The following ST6GALNAC5 variants were observed in gnomAD, a reference collection of about 807,000 sequenced individuals.
ST6GALNAC5 encodes alpha-N-acetylgalactosaminide alpha-2,6-sialyltransferase 5.
ST6GALNAC5 carries 27 observed loss-of-function variants against 33.6 expected under a neutral mutation model. The ratio of observed to expected loss-of-function variants is 0.80; its 90% CI spans 0.59 to 1.11. The LOEUF (loss-of-function observed/expected upper bound fraction) is 1.11, where lower values mean the gene tolerates loss of function less well. ST6GALNAC5 is among the 50% of genes least tolerant of loss of function. ST6GALNAC5 has a pLI of 0.00. For missense variants in ST6GALNAC5, 428 were observed against 454.0 expected, an observed-to-expected ratio of 0.94 and a Z score of 0.52; for synonymous variants, 194 against 171.2, an observed-to-expected ratio of 1.13 and a Z score of -1.04.
rs1313955037 is a variant in ST6GALNAC5 at position 76,868,107 on chromosome 1, G to C, written c.16-390G>C. Among the ~76,000 whole-genome samples the C allele has an allele frequency of 1.3e-5, 2 of 152,186 alleles. No individual in the cohort carries two copies. The highest frequency in any genetic ancestry group is 2.9e-5 in the Non-Finnish European group (2 of 68,026). On this transcript the variant is annotated intron_variant, in intron 1 of 4. Transcript: ENST00000477717. This position sits in a 1 kb window ranked among gnomAD's most constrained non-coding sequence, Gnocchi z 4.3. ...ACTTGCAAGGATCGCAAGGATCCAG[G>C]GCCCCAGGAAAGGAGGGGTGTGAAG...
intron 2 of ST6GALNAC5, among the ~76,000 whole-genome samples, chr1:77,005,548 AC>A (rs1203537646): frequency 6.6e-6 from 1 of 152,238 alleles, no homozygotes; most frequent in African/African-American, 2.4e-5. Context: ...GGTAAAATAT[AC>A]ATATTATAAA....
At chr1:77,015,050 AACACAC>A (rs5775372) in intron 2 of ST6GALNAC5, among the ~76,000 whole-genome samples, 11 of 122,560 alleles carry the variant, frequency 9.0e-5, no homozygotes, top group African/African-American at 2.9e-4. Flanking sequence ...CTCGCACACA[AACACAC>A]ACACACACAC....
intron 2 of ST6GALNAC5, among the ~76,000 whole-genome samples, chr1:76,886,124 A>AGG (rs1399321038): frequency 3.7e-4 from 57 of 152,316 alleles, no homozygotes; most frequent in African/African-American, 1.3e-3. Context: ...ACCATATAGT[A>AGG]AAGGTTTACT....
In ST6GALNAC5 at chr1:76,868,640, C is replaced by A. The variant is rs1403937956; in HGVS notation, c.159C>A (p.Thr53=). ...AACAGCAGCAGCAGGCGTCGGCCAC[C>A]GGCAGCTCGCAGCCGGCGGCGGAGA... ...QQQQQQQASA[T]GSSQPAAESS... Residue 53 remains threonine (T), a synonymous_variant, in exon 2 of 5, where the codon ACC becomes ACA. Coordinates refer to ENST00000477717, the MANE Select transcript of ST6GALNAC5 (RefSeq NM_030965.3). The surrounding 1 kb of genome is among the most constrained non-coding windows in gnomAD (Gnocchi z 4.3). 4 of 1,606,544 alleles carry A rather than the reference C, an allele frequency of 2.5e-6. No individual in the cohort carries two copies. The highest frequency in any genetic ancestry group is 1.1e-5 in the South Asian group (1 of 90,562).
At chr1:77,052,308 G>C (rs1557775596) in intron 4 of ST6GALNAC5, among the ~76,000 whole-genome samples, 1 of 152,218 alleles carries the variant, frequency 6.6e-6, no homozygotes, top group South Asian at 2.1e-4. Context: ...GGAAGACCAG[G>C]AGTAGCACAG....
chr1:76,949,693 T>C (rs1270692005), intron 2 of ST6GALNAC5, among the ~76,000 whole-genome samples: 1 of 151,974 alleles, frequency 6.6e-6, no homozygotes, highest in Non-Finnish European at 1.5e-5. Flanking sequence ...TGGAGCAGAG[T>C]CACCAGGTTG....
At chr1:76,937,241 T>G (rs1458950362) in intron 2 of ST6GALNAC5, among the ~76,000 whole-genome samples, 1 of 151,990 alleles carries the variant, frequency 6.6e-6, no homozygotes, top group Non-Finnish European at 1.5e-5. Context: ...TTTCCTTGTT[T>G]CTTTTGGTTT....
At chr1:76,918,353 C>A (rs1557722653) in intron 2 of ST6GALNAC5, among the ~76,000 whole-genome samples, 1 of 152,120 alleles carries the variant, frequency 6.6e-6, no homozygotes, top group Admixed American at 6.6e-5. Context: ...GGCGCAGTGA[C>A]TCACACCTGT....
At chr1:76,923,377 T>C (rs1174066498) in intron 2 of ST6GALNAC5, among the ~76,000 whole-genome samples, 3 of 151,994 alleles carry the variant, frequency 2.0e-5, no homozygotes, top group African/African-American at 4.8e-5. Flanking sequence ...AAGTACTTGT[T>C]TGTCAACTGG....
At chr1:76,884,137 T>C (rs1653842922) in intron 2 of ST6GALNAC5, among the ~76,000 whole-genome samples, 1 of 152,172 alleles carries the variant, frequency 6.6e-6, no homozygotes, top group Admixed American at 6.5e-5. Context: ...AGCCAGAGGA[T>C]GATGAAGAGA....
At chr1:76,913,025 A>G (rs542177366) in intron 2 of ST6GALNAC5, among the ~76,000 whole-genome samples, 81 of 152,220 alleles carry the variant, frequency 5.3e-4, no homozygotes, top group Admixed American at 3.3e-3. Flanking sequence ...CATGGTCTTT[A>G]CATTTTGGCA....
At chr1:76,971,798 C>T (rs1364474617) in intron 2 of ST6GALNAC5, among the ~76,000 whole-genome samples, 1 of 152,126 alleles carries the variant, frequency 6.6e-6, no homozygotes, top group African/African-American at 2.4e-5. Flanking sequence ...TCCACTGACT[C>T]AGTATCACTT....
At chr1:77,030,513 G>T (rs1198147913) in intron 2 of ST6GALNAC5, among the ~76,000 whole-genome samples, 1 of 152,084 alleles carries the variant, frequency 6.6e-6, no homozygotes, top group African/African-American at 2.4e-5. Flanking sequence ...TATTGTCGTC[G>T]TCAATAGAAA....
intron 2 of ST6GALNAC5, among the ~76,000 whole-genome samples, chr1:76,939,732 C>T (rs1318768213): frequency 6.6e-6 from 1 of 152,084 alleles, no homozygotes; most frequent in African/African-American, 2.4e-5. Context: ...CATTCCACAA[C>T]TATTTACTGA....
intron 2 of ST6GALNAC5, among the ~76,000 whole-genome samples, chr1:76,896,793 G>C (rs1557713556): frequency 1.3e-5 from 2 of 152,196 alleles, no homozygotes; most frequent in African/African-American, 2.4e-5. Flanking sequence ...GAAATGTAGA[G>C]AGTGTGTTGA....
At chr1:76,942,114 T>C (rs1241897243) in intron 2 of ST6GALNAC5, among the ~76,000 whole-genome samples, 1 of 152,046 alleles carries the variant, frequency 6.6e-6, no homozygotes, top group East Asian at 1.9e-4. Context: ...CTTCTAAAAG[T>C]ATTGTTTGTT....
chr1:76,918,616 C>CAA (rs5775368), intron 2 of ST6GALNAC5, among the ~76,000 whole-genome samples: 1,382 of 76,172 alleles, frequency 0.018, 43 homozygotes, highest in African/African-American at 0.051. Context: ...GACTCCATCT[C>CAA]AAAAAAAAAA....
chr1:76,905,306 C>T (rs977117875), intron 2 of ST6GALNAC5, among the ~76,000 whole-genome samples: 1 of 152,110 alleles, frequency 6.6e-6, no homozygotes, highest in African/African-American at 2.4e-5. Context: ...GAGTAGATCC[C>T]TTCCAGCCTA....
chr1:77,012,395 A>T (rs1650667011), intron 2 of ST6GALNAC5, among the ~76,000 whole-genome samples: 1 of 152,192 alleles, frequency 6.6e-6, no homozygotes, highest in Non-Finnish European at 1.5e-5. Context: ...TCCGGAAATA[A>T]GGAAAAGCAC....
Sources: allele counts gnomAD v4.1 joint callset (sites outside exome capture counted in the v4.1 genomes callset), GRCh38; gene constraint gnomAD v4.1.1; non-coding constraint Gnocchi (gnomAD v3.1); transcripts MANE v1.5; gene names NCBI Gene and HGNC (gene_info 2026-07-23, HGNC 2026-07-21).